CLEC16A: variants seen among roughly 807,000 people sequenced by gnomAD.
CLEC16A encodes the protein protein CLEC16A.
CLEC16A carries 51 observed loss-of-function variants against 109.5 expected under a neutral mutation model. The ratio of observed to expected loss-of-function variants is 0.47; its 90% CI spans 0.37 to 0.59. The LOEUF (loss-of-function observed/expected upper bound fraction) is 0.59. CLEC16A is among the 20% of genes least tolerant of loss of function. CLEC16A has a pLI of 0.00. For synonymous variants in CLEC16A, 673 were observed against 564.2 expected (o/e 1.19, Z -2.73); for missense variants, 1,339 against 1,394.0 (o/e 0.96, Z 0.63).
chr16:11,018,052 A>T (rs1186941836), intron 11 of CLEC16A, among the ~76,000 whole-genome samples: 2 of 151,726 alleles, frequency 1.3e-5, no homozygotes, highest in African/African-American at 4.8e-5. Flanking sequence ...TCACGCCTAT[A>T]ATCCCAGCAC....
chr16:11,017,796 A>G (rs1007917367), intron 11 of CLEC16A, among the ~76,000 whole-genome samples: 2 of 152,158 alleles, frequency 1.3e-5, no homozygotes, highest in Non-Finnish European at 2.9e-5. Context: ...GGGACTCTCA[A>G]GAATGCCTGA....
At chr16:10,986,708 A>C (rs2043680492) in intron 10 of CLEC16A, among the ~76,000 whole-genome samples, 2 of 142,944 alleles carry the variant, frequency 1.4e-5, no homozygotes, top group African/African-American at 5.3e-5. Context: ...CGCATATATC[A>C]GAATTTATTT....
rs202177179 is a variant in CLEC16A, at chr16:11,120,700, G to A, written c.2202G>A (p.Met734Ile). Residue 734 changes from methionine (M) to isoleucine (I), a missense_variant, in exon 20 of 24, where the codon ATG (methionine) becomes ATA (isoleucine). Around this residue, in one of 3 missense-constraint regions of CLEC16A, gnomAD observed 1,061 missense variants for 1,006.8 expected, o/e 1.05. Transcript: ENST00000409790. ...TCCTGGCTGTGGATATTTACCAGAT[G>A]AGTTTGGTGGAGCCTGATGTGTCCA... is the stretch of plus-strand genomic sequence containing the variant. ...QRFLAVDIYQ[M>I]SLVEPDVSRL... is the part of the protein sequence containing the mutation. 1 of 1,609,492 alleles carries A rather than the reference G, an allele frequency of 6.2e-7. No individual in the cohort carries two copies. Among genetic ancestry groups the A allele is most frequent in the Non-Finnish European group, 8.5e-7 (1 of 1,177,886 alleles).
intron 19 of CLEC16A, among the ~76,000 whole-genome samples, chr16:11,072,342 C>T (rs528753969): frequency 7.7e-4 from 117 of 152,290 alleles, no homozygotes; most frequent in African/African-American, 2.6e-3. Flanking sequence ...TGGTCTCCAA[C>T]TCCTGGCCTC....
chr16:11,043,880 AG>A (rs778173199), intron 15 of CLEC16A, 147 bp from the exon 16 acceptor site: 1 of 534,648 alleles, frequency 1.9e-6, no homozygotes, highest in South Asian at 3.7e-5. Context: ...TCTCAAGAAA[AG>A]GGAAAAAAAA....
intron 19 of CLEC16A, 83 bp from the exon 20 acceptor site, chr16:11,120,532 T>G: frequency 1.4e-6 from 2 of 1,425,658 alleles, no homozygotes; most frequent in Non-Finnish European, 1.9e-6. Flanking sequence ...CTGCTCCTGA[T>G]AGAATGAGAG....
chr16:11,161,270 C>G (rs2054711992), intron 22 of CLEC16A, among the ~76,000 whole-genome samples: 1 of 152,176 alleles, frequency 6.6e-6, no homozygotes, highest in African/African-American at 2.4e-5. Context: ...ATCAAGGCCC[C>G]AAGGTTGGAC....
chr16:11,148,124 AAGAATT>A (rs1374361429), intron 22 of CLEC16A, among the ~76,000 whole-genome samples: 1 of 152,206 alleles, frequency 6.6e-6, no homozygotes, highest in Non-Finnish European at 1.5e-5. Context: ...CTGGGAAAGA[AAGAATT>A]AGAATCACTG....
intron 17 of CLEC16A, among the ~76,000 whole-genome samples, chr16:11,050,073 G>C (rs1294668876): frequency 2.0e-5 from 3 of 152,202 alleles, no homozygotes; most frequent in Non-Finnish European, 1.5e-5. Flanking sequence ...CAGTTCTAGA[G>C]GCTGGGAAGT....
chr16:11,114,576 G>A (rs1370205993), intron 19 of CLEC16A, among the ~76,000 whole-genome samples: 1 of 152,166 alleles, frequency 6.6e-6, no homozygotes, highest in African/African-American at 2.4e-5. Flanking sequence ...CATGAAGCCT[G>A]CAGGCAGAGG....
intron 15 of CLEC16A, 31 bp downstream of exon 15, chr16:11,042,394 G>T: frequency 6.6e-7 from 1 of 1,507,092 alleles, no homozygotes. Flanking sequence ...CCTTCCTGTG[G>T]GCCAAGGGAG....
At chr16:11,026,419 C>T (rs1371894351) in intron 13 of CLEC16A, among the ~76,000 whole-genome samples, 1 of 152,120 alleles carries the variant, frequency 6.6e-6, no homozygotes, top group Non-Finnish European at 1.5e-5. Flanking sequence ...GTCATTTCAT[C>T]TGAACTGTCA....
chr16:11,099,217 G>C (rs1394329458), intron 19 of CLEC16A, among the ~76,000 whole-genome samples: 3 of 152,218 alleles, frequency 2.0e-5, no homozygotes, highest in African/African-American at 4.8e-5. Context: ...TCATTCTCAT[G>C]CACGGCTCAT....
chr16:11,159,437 G>C (rs1466143885), intron 22 of CLEC16A, among the ~76,000 whole-genome samples: 1 of 152,224 alleles, frequency 6.6e-6, no homozygotes, highest in African/African-American at 2.4e-5. Context: ...TTCAAAAGTA[G>C]GATCCACAGA....
chr16:11,140,878 G>C (rs1165292426), intron 22 of CLEC16A, among the ~76,000 whole-genome samples: 7 of 152,320 alleles, frequency 4.6e-5, no homozygotes, highest in Admixed American at 3.9e-4. Context: ...AGGAAGTTCT[G>C]TGAAGCTCCT....
chr16:10,977,291 T>C lies in CLEC16A; in HGVS notation c.795T>C (p.Asn265=). Residue 265 remains asparagine, a synonymous_variant, in exon 8 of 24, where the codon AAT becomes AAC. Coordinates refer to ENST00000409790, the MANE Select transcript of CLEC16A (RefSeq NM_015226.3). The part of the protein sequence containing the change: ...AEHLDHLHYL[N]DILIINCEFL... Reference sequence around the variant, plus strand: ...ACCTAGACCACCTGCACTATCTCAATGACATCCTGATCATCAACTGTGAGT... The same window carrying C: ...ACCTAGACCACCTGCACTATCTCAACGACATCCTGATCATCAACTGTGAGT... 1 of 1,613,144 alleles carries C rather than the reference T, an allele frequency of 6.2e-7. No individual in the cohort carries two copies. The highest frequency in any genetic ancestry group is 1.1e-5 in the South Asian group (1 of 91,064).
chr16:10,983,016 C>T (rs770045098), intron 10 of CLEC16A, 25 bp downstream of exon 10: 2 of 1,272,506 alleles, frequency 1.6e-6, no homozygotes, highest in Non-Finnish European at 1.1e-6. Flanking sequence ...TCGGGACTGA[C>T]CTTAACAGGA....
At chr16:11,143,391 G>A (rs556396869) in intron 22 of CLEC16A, among the ~76,000 whole-genome samples, 2 of 152,292 alleles carry the variant, frequency 1.3e-5, no homozygotes, top group African/African-American at 4.8e-5. Context: ...GCCAGCAAAT[G>A]AGACATAGGG....
At chr16:11,154,928 AAAAT>A (rs759677840) in intron 22 of CLEC16A, among the ~76,000 whole-genome samples, 3 of 152,006 alleles carry the variant, frequency 2.0e-5, no homozygotes, top group East Asian at 1.9e-4. Flanking sequence ...CTCCATCTCA[AAAAT>A]AAATAAATAA....
Sources: gnomAD v4.1 joint callset for allele counts (sites outside exome capture counted in the v4.1 genomes callset) on GRCh38, gnomAD v4.1.1 for gene constraint, gnomAD v4.1.1 regional missense constraint, MANE v1.5 for transcripts, NCBI Gene and HGNC (gene_info 2026-07-23, HGNC 2026-07-21) for gene names.